The following COBL variants were observed in gnomAD, a reference collection of about 807,000 sequenced individuals.
The protein encoded by COBL is protein cordon-bleu.
A neutral mutation model predicts 98.8 loss-of-function variants in COBL; 51 were observed. The ratio of observed to expected loss-of-function variants is 0.52; its 90% CI spans 0.41 to 0.65. The LOEUF (loss-of-function observed/expected upper bound fraction) is 0.65. Ranked by LOEUF, COBL falls within the 30% of genes least tolerant of loss-of-function variation. The pLI, the probability that COBL is intolerant of heterozygous loss-of-function variation, is 0.00. For missense variants in COBL, 1,617 were observed against 1,617.5 expected, an observed-to-expected ratio of 1.00 and a Z score of 0.01; for synonymous variants, 634 against 651.7, an observed-to-expected ratio of 0.97 and a Z score of 0.41.
chr7:51,204,284 A>T (rs531989166), intron 2 of COBL, among the ~76,000 whole-genome samples: 1 of 152,236 alleles, frequency 6.6e-6, no homozygotes. Context: ...ATGGAGAAAA[A>T]CTGAAAGCTT....
chr7:51,266,808 C>T (rs1798255829), intron 1 of COBL, among the ~76,000 whole-genome samples: 1 of 152,096 alleles, frequency 6.6e-6, no homozygotes, highest in Non-Finnish European at 1.5e-5. Context: ...ACCAAGAAAC[C>T]TAACATTTTT....
intron 5 of COBL, among the ~76,000 whole-genome samples, chr7:51,167,414 T>C (rs1787425030): frequency 6.6e-6 from 1 of 152,122 alleles, no homozygotes; most frequent in Non-Finnish European, 1.5e-5. Flanking sequence ...TAATTTAAAC[T>C]ATAAAATACT....
chr7:51,139,865 A>C (rs1799574008), intron 5 of COBL, among the ~76,000 whole-genome samples: 1 of 152,196 alleles, frequency 6.6e-6, no homozygotes, highest in Non-Finnish European at 1.5e-5. Context: ...GAGTCAAAAC[A>C]GCTTGGCCCC....
At chr7:51,254,685 T>A (rs138552634) in intron 1 of COBL, among the ~76,000 whole-genome samples, 212 of 152,318 alleles carry the variant, frequency 1.4e-3, no homozygotes, top group African/African-American at 4.9e-3. Flanking sequence ...AGTGGCCTAC[T>A]GAGTTCTTAT....
intron 6 of COBL, among the ~76,000 whole-genome samples, chr7:51,131,523 T>C (rs1175572570): frequency 6.6e-6 from 1 of 151,968 alleles, no homozygotes; most frequent in African/African-American, 2.4e-5. Context: ...ATATAGAGTA[T>C]TGTGTCAATC....
chr7:51,018,761 A>T (rs1786555462), intron 12 of COBL, among the ~76,000 whole-genome samples: 1 of 150,972 alleles, frequency 6.6e-6, no homozygotes, highest in South Asian at 2.1e-4. Flanking sequence ...GCATGATGGC[A>T]CATGCCTGTA....
intron 6 of COBL, among the ~76,000 whole-genome samples, chr7:51,110,455 T>G (rs760428118): frequency 2.6e-5 from 4 of 152,242 alleles, no homozygotes; most frequent in African/African-American, 9.6e-5. Flanking sequence ...TTTTCCTTTA[T>G]AGCAGAATAG....
rs188644396 is a variant in COBL, at chr7:51,070,340, T to C, written c.1096+14826A>G. Among the ~76,000 whole-genome samples the C allele has an allele frequency of 2.0e-5, 3 of 150,926 alleles. No homozygotes were observed. In the East Asian group the frequency reaches 5.9e-4, roughly 30 times the overall value. On this transcript the variant is annotated intron_variant, in intron 7 of 12. Coordinates refer to ENST00000265136, the MANE Select transcript of COBL (RefSeq NM_015198.5). ...GACTAATAAGGTGCAAAAGCTATTTTGGGTTTTTCTCCTGCTCCACATTCC... is the reference window on the plus strand; with the variant it reads ...GACTAATAAGGTGCAAAAGCTATTTCGGGTTTTTCTCCTGCTCCACATTCC...
intron 4 of COBL, among the ~76,000 whole-genome samples, chr7:51,189,212 C>T (rs1288412895): frequency 6.6e-6 from 1 of 152,104 alleles, no homozygotes; most frequent in Admixed American, 6.5e-5. Flanking sequence ...TGAGCCAAAA[C>T]CCTCTCTTGA....
At chr7:51,106,189 G>A (rs1416081562) in intron 6 of COBL, among the ~76,000 whole-genome samples, 2 of 130,798 alleles carry the variant, frequency 1.5e-5, no homozygotes, top group Admixed American at 1.7e-4. Context: ...GGGTGACAGA[G>A]CGAGATGTCT....
chr7:51,086,871 T>C (rs1304648649), intron 6 of COBL, among the ~76,000 whole-genome samples: 2 of 152,128 alleles, frequency 1.3e-5, no homozygotes, highest in Non-Finnish European at 2.9e-5. Flanking sequence ...TAAAATTCTG[T>C]AATATATTTT....
At chr7:51,255,259 G>A (rs897939769) in intron 1 of COBL, among the ~76,000 whole-genome samples, 4 of 152,170 alleles carry the variant, frequency 2.6e-5, no homozygotes, top group African/African-American at 4.8e-5. Flanking sequence ...ACTGCTGCCC[G>A]AGGCACTGCT....
chr7:51,045,039 C>T (rs182996555), intron 7 of COBL, among the ~76,000 whole-genome samples: 52 of 152,342 alleles, frequency 3.4e-4, no homozygotes, highest in African/African-American at 1.2e-3. Context: ...TGGTCTGCTG[C>T]GACCTCGCTC....
intron 1 of COBL, among the ~76,000 whole-genome samples, chr7:51,232,051 A>C (rs550569568): frequency 1.3e-5 from 2 of 152,288 alleles, no homozygotes; most frequent in East Asian, 1.9e-4. Flanking sequence ...GAAGAGGCTG[A>C]ACTTCCTAAC....
intron 6 of COBL, among the ~76,000 whole-genome samples, chr7:51,134,433 C>T (rs1799031522): frequency 6.6e-6 from 1 of 152,198 alleles, no homozygotes; most frequent in Non-Finnish European, 1.5e-5. Context: ...CAATTCTCTA[C>T]TTACTGCACA....
intron 5 of COBL, among the ~76,000 whole-genome samples, chr7:51,154,641 G>A (rs78534704): frequency 0.056 from 8,489 of 152,250 alleles, 443 homozygotes; most frequent in East Asian, 0.31. Context: ...GGTATCATTA[G>A]GGTCTGCGTC....
chr7:51,307,668 G>A (rs1459560440), intron 1 of COBL, among the ~76,000 whole-genome samples: 2 of 152,234 alleles, frequency 1.3e-5, no homozygotes, highest in African/African-American at 4.8e-5. Flanking sequence ...TTTCAGTTTA[G>A]TCTAGCTTCC....
At chr7:51,140,698 G>C (rs778125510) in intron 5 of COBL, among the ~76,000 whole-genome samples, 45 of 152,206 alleles carry the variant, frequency 3.0e-4, no homozygotes, top group Admixed American at 2.6e-3. Flanking sequence ...TCTAGCACCA[G>C]GCAGCAGGGG....
At chr7:51,051,536 G>A (rs1023741274) in intron 7 of COBL, among the ~76,000 whole-genome samples, 28 of 152,106 alleles carry the variant, frequency 1.8e-4, no homozygotes, top group African/African-American at 6.3e-4. Flanking sequence ...AAATTTCTCT[G>A]ACCACTTTGT....
Sources: gnomAD v4.1 joint callset for allele counts (sites outside exome capture counted in the v4.1 genomes callset) on GRCh38, gnomAD v4.1.1 for gene constraint, MANE v1.5 for transcripts, NCBI Gene and HGNC (gene_info 2026-07-23, HGNC 2026-07-21) for gene names.